The following SLC36A1 variants were observed in gnomAD, a reference collection of about 807,000 sequenced individuals.
SLC36A1 encodes proton-coupled amino acid transporter 1.
Under a neutral mutation model 47.5 loss-of-function variants are expected in SLC36A1, and 30 were observed. The ratio of observed to expected loss-of-function variants is 0.63; its 90% CI spans 0.47 to 0.86. The LOEUF is 0.86. Ranked by LOEUF, SLC36A1 falls within the 40% of genes least tolerant of loss-of-function variation. The pLI is 0.00. For missense variants in SLC36A1, 517 were observed against 606.0 expected (o/e 0.85, Z 1.54); for synonymous variants, 255 against 249.7 (o/e 1.02, Z -0.20).
At chr5:151,357,591 A>G in the SLC36A1 span, among the ~76,000 whole-genome samples, 2 of 152,282 alleles carry the variant, frequency 1.3e-5, no homozygotes, top group African/African-American at 4.8e-5. Flanking sequence ...TGTTTTTAGA[A>G]AAAAGGTTTT....
At chr5:151,483,519 G>T (rs11959634) in intron 10 of SLC36A1, among the ~76,000 whole-genome samples, 32 of 109,508 alleles carry the variant, frequency 2.9e-4, no homozygotes, top group East Asian at 1.3e-3. Flanking sequence ...TGTGTGTGTG[G>T]GGGGGGTGAT....
At chr5:151,392,495 G>A in the SLC36A1 span, among the ~76,000 whole-genome samples, 243 of 152,234 alleles carry the variant, frequency 1.6e-3, 1 homozygote, top group African/African-American at 5.6e-3. Flanking sequence ...TGTGATGTTA[G>A]GGTGTCAATT....
chr5:151,348,364 T>G, the SLC36A1 span, among the ~76,000 whole-genome samples: 1 of 152,212 alleles, frequency 6.6e-6, no homozygotes, highest in East Asian at 1.9e-4. Context: ...TCATTATCTC[T>G]GCTTCAGTGC....
At chr5:151,521,460 C>G in the SLC36A1 span, 1 of 1,614,130 alleles carries the variant, frequency 6.2e-7, no homozygotes, top group African/African-American at 1.3e-5. Flanking sequence ...CCACTGAATG[C>G]TCCATCTCCT....
At chr5:151,554,738 A>AGCCCTACC in the SLC36A1 span, 1 of 1,253,792 alleles carries the variant, frequency 8.0e-7, no homozygotes, top group African/African-American at 1.5e-5. Context: ...ATGCTTTAAC[A>AGCCCTACC]ACCTGGAAAT....
At chr5:151,347,435 C>A in the SLC36A1 span, 1 of 1,614,094 alleles carries the variant, frequency 6.2e-7, no homozygotes, top group Non-Finnish European at 8.5e-7. Flanking sequence ...TCCCTGGGGA[C>A]CCTCAGTACT....
chr5:151,421,367 G>C, the SLC36A1 span, among the ~76,000 whole-genome samples: 2 of 148,886 alleles, frequency 1.3e-5, no homozygotes, highest in Admixed American at 6.7e-5. Flanking sequence ...TCAGCCTCCC[G>C]AGTAGCTGGA....
At chr5:151,414,088 T>C in the SLC36A1 span, among the ~76,000 whole-genome samples, 1 of 152,130 alleles carries the variant, frequency 6.6e-6, no homozygotes, top group Admixed American at 6.5e-5. Context: ...CTACCCTCTA[T>C]GAGCTCACAG....
chr5:151,544,986 T>G, the SLC36A1 span: 2 of 1,614,080 alleles, frequency 1.2e-6, no homozygotes, highest in Non-Finnish European at 1.7e-6. Flanking sequence ...CCCGCTGAGG[T>G]GTCCGATTGT....
At chr5:151,442,693 A>G (rs1013681272), upstream of SLC36A1, among the ~76,000 whole-genome samples, 2 of 152,082 alleles carry the variant, frequency 1.3e-5, no homozygotes, top group Non-Finnish European at 2.9e-5. Context: ...GTACAGTACA[A>G]TTGTATAACC....
the SLC36A1 span, chr5:151,510,497 G>A: frequency 9.8e-4 from 216 of 219,918 alleles, 1 homozygote; most frequent in African/African-American, 4.5e-3. Flanking sequence ...TGATCCTCAC[G>A]ATGACCCTGA....
upstream of SLC36A1, among the ~76,000 whole-genome samples, chr5:151,433,769 T>C (rs959953655): frequency 6.6e-6 from 1 of 152,136 alleles, no homozygotes; most frequent in Non-Finnish European, 1.5e-5. Flanking sequence ...TGAGCTTTAA[T>C]ATCATGGCCT....
rs1424305221 is a variant in SLC36A1 at position 151,490,755 on chromosome 5, G to A, written c.*2501G>A. ...CCAGGAAGGGCAGCTCCAGCCAGAG[G>A]ACCTTCCTGGCTATGCAGGTGCACA... On this transcript the variant is annotated 3_prime_UTR_variant, in exon 11 of 11. Coordinates refer to ENST00000243389, the MANE Select transcript of SLC36A1 (RefSeq NM_078483.4). 1 of 152,242 alleles carries A rather than the reference G, an allele frequency of 6.6e-6. No individual in the cohort carries two copies. Among genetic ancestry groups the A allele is most frequent in the Admixed American group, 6.5e-5 (1 of 15,290 alleles). The allele number at this position is 152,242 out of a possible 1,614,324, so 9.4% of individuals were successfully genotyped here.
At chr5:151,458,723 C>G (rs35256722) in intron 1 of SLC36A1, 65 bp from the exon 2 acceptor site, 561,648 of 1,551,896 alleles carry the variant, frequency 0.36, 107,560 homozygotes, top group East Asian at 0.65. Context: ...CCCCAGAGGC[C>G]ACCCCAAATA....
the SLC36A1 span, among the ~76,000 whole-genome samples, chr5:151,397,260 T>G: frequency 2.0e-5 from 3 of 152,208 alleles, no homozygotes; most frequent in Non-Finnish European, 4.4e-5. Flanking sequence ...CTCTCTGTTG[T>G]ATTCACCCCA....
chr5:151,542,220 G>A, the SLC36A1 span: 3 of 1,479,882 alleles, frequency 2.0e-6, no homozygotes, highest in Non-Finnish European at 2.7e-6. Flanking sequence ...CCCATTTTAG[G>A]GCACCTCTTC....
Position 151,488,443 on chromosome 5 carries a change from C to G in SLC36A1, c.*189C>G. 1.5e-6 allele frequency: 1 copy of G among 684,906 alleles called. No homozygotes were observed. Among genetic ancestry groups the G allele is most frequent in the Admixed American group, 3.0e-5 (1 of 33,604 alleles). The allele number at this position is 684,906 out of a possible 1,614,324, so 42.4% of individuals were successfully genotyped here. ...CAGGGGAGAGGTGGGGTGGCAGACA[C>G]GCAGAAGTGCTACTAGTGACAGGGC... On this transcript the variant is annotated 3_prime_UTR_variant, in exon 11 of 11. Coordinates refer to ENST00000243389, the MANE Select transcript of SLC36A1 (RefSeq NM_078483.4).
the SLC36A1 span, among the ~76,000 whole-genome samples, chr5:151,421,253 T>C: frequency 6.9e-6 from 1 of 143,920 alleles, no homozygotes; most frequent in African/African-American, 2.5e-5. Flanking sequence ...CTCTTTCTTC[T>C]TTTTTTTTTT....
At chr5:151,434,586 G>T (rs2127435317), upstream of SLC36A1, among the ~76,000 whole-genome samples, 1 of 152,210 alleles carries the variant, frequency 6.6e-6, no homozygotes, top group East Asian at 1.9e-4. Flanking sequence ...ATAGAGAATA[G>T]AATGAAAGAC....
Sources: gnomAD v4.1 joint callset for allele counts (sites outside exome capture counted in the v4.1 genomes callset) on GRCh38, gnomAD v4.1.1 for gene constraint, MANE v1.5 for transcripts, NCBI Gene and HGNC (gene_info 2026-07-23, HGNC 2026-07-21) for gene names.